CEP162: variants seen among roughly 807,000 people sequenced by gnomAD.
CEP162 encodes the protein centrosomal protein 162.
CEP162 carries 141 observed loss-of-function variants against 169.2 expected under a neutral mutation model. That is an observed-to-expected ratio of 0.83 (90% CI 0.73 to 0.96). The LOEUF (loss-of-function observed/expected upper bound fraction) is 0.96, where lower values mean the gene tolerates loss of function less well. Ranked by LOEUF, CEP162 falls within the 40% of genes least tolerant of loss-of-function variation. The pLI, the probability that CEP162 is intolerant of heterozygous loss-of-function variation, is 0.00. For synonymous variants in CEP162, 540 were observed against 526.4 expected, an observed-to-expected ratio of 1.03 and a Z score of -0.35; for missense variants, 1,600 against 1,587.2, an observed-to-expected ratio of 1.01 and a Z score of -0.14.
intron 11 of CEP162, 52 bp from the exon 12 acceptor site, chr6:84,186,675 A>G: frequency 7.0e-7 from 1 of 1,425,250 alleles, no homozygotes; most frequent in Non-Finnish European, 9.5e-7. Context: ...CAGCTTTTCA[A>G]ATATCAGTAA....
At position 84,173,686 on chromosome 6, in the gene CEP162, C is replaced by CTTTTTT. The variant is rs3066635; in HGVS notation, c.2166+356_2166+361dup. Reference sequence around the variant, plus strand: ...TAAGCAGAGAAGTATTTTAATATACCTTTTTTTTTTTTTTTGAGACAGAGT... The same window carrying CTTTTTT: ...TAAGCAGAGAAGTATTTTAATATACCTTTTTTTTTTTTTTTTTTTTTGAGACAGAGT... On this transcript the variant is annotated intron_variant, in intron 16 of 26. Coordinates refer to ENST00000403245, the MANE Select transcript of CEP162 (RefSeq NM_014895.4). 1.7e-3 allele frequency among the ~76,000 whole-genome samples: 245 copies of CTTTTTT among 140,538 alleles called. 2 individuals are homozygous for CTTTTTT. Among genetic ancestry groups the CTTTTTT allele is most frequent in the African/African-American group, 6.2e-3 (231 of 37,216 alleles). 92.2% of individuals were successfully genotyped at this position (140,538 alleles called of 152,430 possible). A position where few individuals can be genotyped will look rare whatever the true frequency, so the allele number is the denominator to read the frequency against.
At chr6:84,173,078 A>G (rs959254201) in intron 16 of CEP162, among the ~76,000 whole-genome samples, 1 of 152,212 alleles carries the variant, frequency 6.6e-6, no homozygotes, top group East Asian at 1.9e-4. Flanking sequence ...TCAGATTCAT[A>G]TTTCTGAATA....
chr6:84,181,091 T>C (rs1271347922), intron 13 of CEP162, among the ~76,000 whole-genome samples: 1 of 152,180 alleles, frequency 6.6e-6, no homozygotes, highest in Non-Finnish European at 1.5e-5. Context: ...TCATGCTACC[T>C]GACTTCAAAC....
intron 2 of CEP162, among the ~76,000 whole-genome samples, chr6:84,222,107 A>C (rs1363802708): frequency 6.6e-6 from 1 of 151,864 alleles, no homozygotes; most frequent in Non-Finnish European, 1.5e-5. Context: ...CGTCCCTTTT[A>C]CTCTATCACA....
intron 11 of CEP162, among the ~76,000 whole-genome samples, chr6:84,188,351 AC>A (rs1340911558): frequency 2.0e-5 from 3 of 152,104 alleles, no homozygotes; most frequent in African/African-American, 7.2e-5. Context: ...TAAGCATAGT[AC>A]CCAATAGGTA....
chr6:84,216,274 G>A (rs1274722762), intron 3 of CEP162, among the ~76,000 whole-genome samples: 1 of 152,054 alleles, frequency 6.6e-6, no homozygotes, highest in Non-Finnish European at 1.5e-5. Context: ...AGAGTTTTTG[G>A]TGCTGAACTC....
Position 84,124,796 on chromosome 6 carries a change from C to T in CEP162, c.*274G>A. Reference sequence around the variant, plus strand: ...GAGTATGTTCAATTTTCTTTTCTTTCTATTTCTAGCATACAAGTGAGCCCT... The same window carrying T: ...GAGTATGTTCAATTTTCTTTTCTTTTTATTTCTAGCATACAAGTGAGCCCT... On this transcript the variant is annotated 3_prime_UTR_variant, in exon 27 of 27. Transcript: ENST00000403245. The T allele has an allele frequency of 2.5e-6, 1 of 393,888 alleles. No homozygotes were observed. Among genetic ancestry groups the T allele is most frequent in the Non-Finnish European group, 4.5e-6 (1 of 223,644 alleles). 24.4% of individuals were successfully genotyped at this position (393,888 alleles called of 1,614,324 possible).
intron 4 of CEP162, 94 bp from the exon 5 acceptor site, chr6:84,215,559 T>A (rs780968722): frequency 9.0e-6 from 11 of 1,226,542 alleles, no homozygotes; most frequent in Non-Finnish European, 6.6e-6. Context: ...TAGTAAATTT[T>A]AAAAATTTTA....
In CEP162 at chr6:84,149,591, C is replaced by T. The variant is rs753119513; in HGVS notation, c.3742G>A (p.Glu1248Lys). 1 of 1,600,716 alleles carries T rather than the reference C, an allele frequency of 6.2e-7. No individual in the cohort carries two copies. The highest frequency in any genetic ancestry group is 8.5e-7 in the Non-Finnish European group (1 of 1,173,634). Residue 1248 changes from glutamate to lysine, a missense_variant, in exon 24 of 27, where the codon GAA (glutamate) becomes AAA (lysine). Physicochemically the swap from Glu to Lys is moderately conservative, Grantham distance 56 (BLOSUM62 1). Transcript: ENST00000403245. ...AVENSSSKVA[E>K]LNRKIATQEV... ...TGAGTTGCTATTTTACGATTTAGTT[C>T]AGCTACTTTGGAAGAAGAATTTTCT...
Position 84,175,437 on chromosome 6 carries a change from G to GA in CEP162, c.1664-91dup, listed in dbSNP as rs1294889152. 5.7e-5 allele frequency: 53 copies of GA among 925,536 alleles called. No homozygotes were observed. In the East Asian group the frequency reaches 1.5e-3, roughly 26 times the overall value. 57.3% of individuals were successfully genotyped at this position (925,536 alleles called of 1,614,324 possible). On this transcript the variant is annotated intron_variant, in intron 13 of 26. Transcript: ENST00000403245. ...GTGTCCAATAACTAAAAATACAATG[G>GA]AAACACAAAAATGAGGATCTCAGAA...
At chr6:84,131,208 T>A (rs776993138) in intron 25 of CEP162, among the ~76,000 whole-genome samples, 35 of 152,248 alleles carry the variant, frequency 2.3e-4, no homozygotes, top group Non-Finnish European at 4.0e-4. Context: ...GACTGCACTG[T>A]GGTCTGAGAG....
intron 10 of CEP162, among the ~76,000 whole-genome samples, chr6:84,193,998 G>A (rs955333949): frequency 2.0e-5 from 3 of 151,950 alleles, no homozygotes; most frequent in African/African-American, 4.8e-5. Flanking sequence ...TTTAATATAC[G>A]TACATACAAA....
intron 25 of CEP162, among the ~76,000 whole-genome samples, chr6:84,127,271 GA>G (rs1322851860): frequency 1.3e-5 from 2 of 152,040 alleles, no homozygotes; most frequent in Non-Finnish European, 2.9e-5. Context: ...AAAATGGATA[GA>G]ACTAACAATA....
At chr6:84,137,408 G>A (rs1438757846) in intron 25 of CEP162, among the ~76,000 whole-genome samples, 1 of 152,138 alleles carries the variant, frequency 6.6e-6, no homozygotes, top group Non-Finnish European at 1.5e-5. Flanking sequence ...GCAGCTAGCT[G>A]TAGAATATTT....
chr6:84,225,587 G>T (rs560056129), intron 2 of CEP162, among the ~76,000 whole-genome samples: 307 of 152,036 alleles, frequency 2.0e-3, no homozygotes, highest in African/African-American at 7.2e-3. Context: ...TATTTATTAG[G>T]TACTGTAGAC....
intron 2 of CEP162, among the ~76,000 whole-genome samples, chr6:84,223,398 C>G (rs958011781): frequency 1.3e-5 from 2 of 151,790 alleles, no homozygotes; most frequent in Non-Finnish European, 1.5e-5. Context: ...ACTCAGGAGG[C>G]TGACGCAGGA....
intron 2 of CEP162, among the ~76,000 whole-genome samples, chr6:84,225,010 A>G (rs962009162): frequency 1.3e-5 from 2 of 152,222 alleles, no homozygotes; most frequent in African/African-American, 4.8e-5. Context: ...ACAATTCTAC[A>G]AAGAAGGCAT....
rs114436810 is a variant in CEP162, at chr6:84,160,293, T to C, written c.2781+519A>G. On this transcript the variant is annotated intron_variant, in intron 21 of 26. Coordinates refer to ENST00000403245, the MANE Select transcript of CEP162 (RefSeq NM_014895.4). ...ATCTTTATTTTAATAAGCTTCACTT[T>C]ATGATTAAAGGTCTCCCACACTGAC... Among the ~76,000 whole-genome samples the C allele has an allele frequency of 6.3e-3, 957 of 152,356 alleles. 4 individuals are homozygous for C. Among genetic ancestry groups the C allele is most frequent in the African/African-American group, 0.022 (921 of 41,584 alleles).
chr6:84,191,581 T>C (rs1409785614), intron 11 of CEP162, among the ~76,000 whole-genome samples: 1 of 152,168 alleles, frequency 6.6e-6, no homozygotes, highest in East Asian at 1.9e-4. Flanking sequence ...CCTGTCTTTT[T>C]AATTATAACC....
Sources: gnomAD v4.1 joint callset for allele counts (sites outside exome capture counted in the v4.1 genomes callset) on GRCh38, gnomAD v4.1.1 for gene constraint, MANE v1.5 for transcripts, NCBI Gene and HGNC (gene_info 2026-07-23, HGNC 2026-07-21) for gene names.